CDK12: variants seen among roughly 807,000 people sequenced by gnomAD.
The protein encoded by CDK12 is cyclin-dependent kinase 12.
CDK12 carries 17 observed loss-of-function variants against 133.8 expected under a neutral mutation model. The observed-to-expected ratio is 0.13, with a 90% CI of 0.09 to 0.19. The LOEUF (loss-of-function observed/expected upper bound fraction) is 0.19, where lower values mean the gene tolerates loss of function less well. Among genes scored for constraint, CDK12 ranks in the 10% least tolerant of loss-of-function variants. The pLI, the probability that CDK12 is intolerant of heterozygous loss-of-function variation, is 1.00. For synonymous variants in CDK12, 694 were observed against 683.6 expected, an observed-to-expected ratio of 1.02 and a Z score of -0.24; for missense variants, 1,508 against 1,818.7, an observed-to-expected ratio of 0.83 and a Z score of 3.11.
At chr17:39,515,293 C>T (rs567101310) in intron 8 of CDK12, among the ~76,000 whole-genome samples, 1 of 152,184 alleles carries the variant, frequency 6.6e-6, no homozygotes, top group African/African-American at 2.4e-5. Flanking sequence ...GCCAAGAAGG[C>T]TATAGTATAG....
intron 2 of CDK12, among the ~76,000 whole-genome samples, chr17:39,474,003 G>C (rs2145288673): frequency 6.6e-6 from 1 of 152,288 alleles, no homozygotes; most frequent in African/African-American, 2.4e-5. Context: ...GCTGCAGTGA[G>C]CCGAGGTCAT....
At chr17:39,513,592 T>G (rs1300811410) in intron 8 of CDK12, among the ~76,000 whole-genome samples, 2 of 152,230 alleles carry the variant, frequency 1.3e-5, no homozygotes, top group Non-Finnish European at 2.9e-5. Flanking sequence ...GTACTATTAT[T>G]TCAGTCTGTG....
chr17:39,484,575 G>A (rs911167841), intron 2 of CDK12, among the ~76,000 whole-genome samples: 1 of 152,146 alleles, frequency 6.6e-6, no homozygotes, highest in Non-Finnish European at 1.5e-5. Flanking sequence ...TACTGAAACA[G>A]GATTTGACCT....
chr17:39,495,919 GTTTTTT>G (rs919569269), intron 5 of CDK12, among the ~76,000 whole-genome samples: 1 of 149,440 alleles, frequency 6.7e-6, no homozygotes, highest in Admixed American at 6.7e-5. Flanking sequence ...TTTTGTTTTT[GTTTTTT>G]TTTTGAGACA....
At chr17:39,468,550 A>T (rs958052785) in intron 1 of CDK12, among the ~76,000 whole-genome samples, 5 of 151,992 alleles carry the variant, frequency 3.3e-5, no homozygotes, top group African/African-American at 7.2e-5. Context: ...ATCTCAGCTT[A>T]CCACAACCTC....
At chr17:39,464,765 A>G (rs1295791870) in intron 1 of CDK12, among the ~76,000 whole-genome samples, 1 of 147,378 alleles carries the variant, frequency 6.8e-6, no homozygotes, top group Non-Finnish European at 1.5e-5. Context: ...GCTGGGCAAC[A>G]TAGTGAGGCC....
At chr17:39,489,794 A>ATTT (rs375969591) in intron 2 of CDK12, among the ~76,000 whole-genome samples, 22 of 126,052 alleles carry the variant, frequency 1.7e-4, no homozygotes, top group African/African-American at 6.2e-4. Flanking sequence ...GCCTGGCCTA[A>ATTT]TTTTTTTTTT....
chr17:39,565,357 G>A (rs1597745080), downstream of CDK12, among the ~76,000 whole-genome samples: 2 of 151,446 alleles, frequency 1.3e-5, no homozygotes, highest in Admixed American at 6.6e-5. Context: ...CTTGTGATCC[G>A]CCCACCTCAG....
At chr17:39,553,481 T>C (rs2144303537) in intron 2 of CDK12, among the ~76,000 whole-genome samples, 1 of 152,312 alleles carries the variant, frequency 6.6e-6, no homozygotes, top group East Asian at 1.9e-4. Context: ...CCTCTCCTGC[T>C]TCCTTGATCA....
chr17:39,511,742 C>T (rs2053518473), intron 8 of CDK12, 112 bp downstream of exon 8: 1 of 520,362 alleles, frequency 1.9e-6, no homozygotes, highest in Non-Finnish European at 3.3e-6. Flanking sequence ...AGAAGGATGG[C>T]GATAAACTTT....
chr17:39,491,260 G>A (rs2051575688), intron 3 of CDK12, among the ~76,000 whole-genome samples: 1 of 152,082 alleles, frequency 6.6e-6, no homozygotes, highest in Non-Finnish European at 1.5e-5. Context: ...TTTTGAGACA[G>A]AGTTGCGTTC....
At chr17:39,485,564 C>A (rs1327093067) in intron 2 of CDK12, among the ~76,000 whole-genome samples, 2 of 151,834 alleles carry the variant, frequency 1.3e-5, no homozygotes, top group African/African-American at 2.4e-5. Flanking sequence ...AGGCGGGTGC[C>A]ACCACGCCTG....
At position 39,477,547 on chromosome 17, in the gene CDK12, A is replaced by G. The variant is rs966459077; in HGVS notation, c.1931+5784A>G. On this transcript the variant is annotated intron_variant, in intron 2 of 13. Coordinates refer to ENST00000447079, the MANE Select transcript of CDK12 (RefSeq NM_016507.4). ...GCCACTGTGCCCAGCTAATTTTTGT[A>G]TTTTTATTTTTATTTATTTATTATT... Among the ~76,000 whole-genome samples the G allele has an allele frequency of 4.1e-5, 6 of 145,606 alleles. No homozygotes were observed. The Admixed American group carries it at 4.2e-4, about 10-fold the overall frequency.
In CDK12 at chr17:39,461,868, C is replaced by G; in HGVS notation, c.-204C>G. 1.7e-6 allele frequency: 1 copy of G among 589,012 alleles called. No individual in the cohort carries two copies. Among genetic ancestry groups the G allele is most frequent in the Admixed American group, 3.0e-5 (1 of 33,538 alleles). The allele number at this position is 589,012 out of a possible 1,614,324, so 36.5% of individuals were successfully genotyped here. On this transcript the variant is annotated 5_prime_UTR_variant, in exon 1 of 14. Coordinates refer to ENST00000447079, the MANE Select transcript of CDK12 (RefSeq NM_016507.4). ...CACTGCCGAGGAACTCTCATTTCTT[C>G]CCTCGCTCCTTCACCCCCCACCTCA... is the stretch of plus-strand genomic sequence containing the variant.
intron 1 of CDK12, among the ~76,000 whole-genome samples, chr17:39,541,152 T>C (rs1264966226): frequency 2.7e-5 from 4 of 146,978 alleles, no homozygotes; most frequent in South Asian, 2.2e-4. Flanking sequence ...CTTCTTCCCA[T>C]CTACACACAG....
chr17:39,530,582 A>G (rs758901584), intron 13 of CDK12, 22 bp from the exon 14 acceptor site: 2 of 1,539,184 alleles, frequency 1.3e-6, no homozygotes, highest in Non-Finnish European at 1.7e-6. Context: ...GATGGTGTTT[A>G]AAAGAAGTAA....
upstream of CDK12, among the ~76,000 whole-genome samples, chr17:39,546,435 C>T (rs556994713): frequency 3.3e-5 from 5 of 152,194 alleles, no homozygotes; most frequent in Admixed American, 2.6e-4. Flanking sequence ...CCGCCTGCCT[C>T]GGCCTCCCAA....
Position 39,532,094 on chromosome 17 carries a change from C to T in CDK12, c.*778C>T, listed in dbSNP as rs901460332. 1 of 189,400 alleles carries T rather than the reference C, an allele frequency of 5.3e-6. No homozygotes were observed. 11.7% of individuals were successfully genotyped at this position (189,400 alleles called of 1,614,324 possible). A position where few individuals can be genotyped will look rare whatever the true frequency, so the allele number is the denominator to read the frequency against. On this transcript the variant is annotated 3_prime_UTR_variant, in exon 14 of 14. Transcript: ENST00000447079. ...CCTTTTTTGCTGATGTGTGCTCTCT[C>T]TCTCTCTTTCTCTCTCTCTCTCTCT...
At position 39,462,229 on chromosome 17, in the gene CDK12, T is replaced by C; in HGVS notation, c.158T>C (p.Met53Thr). 1 of 1,614,154 alleles carries C rather than the reference T, an allele frequency of 6.2e-7. No homozygotes were observed. The highest frequency in any genetic ancestry group is 8.5e-7 in the Non-Finnish European group (1 of 1,180,026). ...KRHKSKHSKD[M>T]GLVTPEAASL... ...CATAAGTCCAAACACTCCAAAGACA[T>C]GGGGTTGGTGACCCCCGAAGCAGCA... The change falls in exon 1 of 14, where the codon ATG becomes ACG. Residue 53 changes from methionine to threonine, a missense_variant. By Grantham distance (81) the Met-to-Thr change is moderately conservative (BLOSUM62 -1). Around this residue, in one of 9 missense-constraint regions of CDK12, gnomAD observed 460 missense variants for 490.8 expected, o/e 0.94. Transcript: ENST00000447079.
Sources: gnomAD v4.1 joint callset for allele counts (sites outside exome capture counted in the v4.1 genomes callset) on GRCh38, gnomAD v4.1.1 for gene constraint, gnomAD v4.1.1 regional missense constraint, MANE v1.5 for transcripts, NCBI Gene and HGNC (gene_info 2026-07-23, HGNC 2026-07-21) for gene names.